Variants in NDST4 observed in about 807,000 individuals in gnomAD.
The protein encoded by NDST4 is N-deacetylase and N-sulfotransferase 4, also known as N-heparan sulfate sulfotransferase 4.
NDST4 carries 63 observed loss-of-function variants against 100.8 expected under a neutral mutation model. The ratio of observed to expected loss-of-function variants is 0.62; its 90% CI spans 0.51 to 0.77. NDST4 has a LOEUF of 0.77. Among genes scored for constraint, NDST4 ranks in the 30% least tolerant of loss-of-function variants. NDST4 has a pLI of 0.00. For missense variants in NDST4, 943 were observed against 1,018.4 expected (o/e 0.93, Z 1.01); for synonymous variants, 377 against 361.8 (o/e 1.04, Z -0.48).
At chr4:114,827,999 C>T in intron 13 of NDST4, 64 bp from the exon 14 acceptor site, 1 of 1,458,572 alleles carries the variant, frequency 6.9e-7, no homozygotes, top group Non-Finnish European at 9.2e-7. Context: ...ATATTGTAAT[C>T]TATATTTCTT....
intron 2 of NDST4, among the ~76,000 whole-genome samples, chr4:115,016,405 TAC>T (rs1296487272): frequency 3.9e-5 from 6 of 152,120 alleles, no homozygotes. Context: ...CACTCAGTAT[TAC>T]TCCTAATGGC....
At chr4:114,852,977 A>G (rs181097642) in intron 7 of NDST4, among the ~76,000 whole-genome samples, 156 bp from the exon 8 acceptor site, 262 of 152,280 alleles carry the variant, frequency 1.7e-3, no homozygotes, top group Non-Finnish European at 3.4e-3. Flanking sequence ...TCTTTTTTAA[A>G]TAAAGTTATT....
intron 6 of NDST4, among the ~76,000 whole-genome samples, chr4:114,923,492 A>G (rs1725328629): frequency 6.6e-6 from 1 of 152,188 alleles, no homozygotes; most frequent in African/African-American, 2.4e-5. Context: ...CAGTAGAGTG[A>G]AACCTCACAA....
At chr4:115,107,573 C>A (rs558075813) in intron 1 of NDST4, among the ~76,000 whole-genome samples, 1 of 152,112 alleles carries the variant, frequency 6.6e-6, no homozygotes, top group East Asian at 1.9e-4. Context: ...AAAGGCATTT[C>A]CTGACCAGTC....
chr4:115,020,946 A>T (rs1053995225), intron 2 of NDST4, among the ~76,000 whole-genome samples: 1 of 152,114 alleles, frequency 6.6e-6, no homozygotes, highest in Non-Finnish European at 1.5e-5. Context: ...AACGGGGAAC[A>T]CTTCTACACT....
At chr4:115,045,227 A>C (rs1192949329) in intron 2 of NDST4, among the ~76,000 whole-genome samples, 1 of 152,110 alleles carries the variant, frequency 6.6e-6, no homozygotes, top group African/African-American at 2.4e-5. Flanking sequence ...CTATGGCATA[A>C]AATGATAGAG....
At chr4:115,087,114 C>A (rs1188291630) in intron 1 of NDST4, among the ~76,000 whole-genome samples, 1 of 151,928 alleles carries the variant, frequency 6.6e-6, no homozygotes, top group Non-Finnish European at 1.5e-5. Context: ...TAGATCTGCC[C>A]CAGGGTTTCT....
chr4:114,894,522 A>G (rs1560799698), intron 6 of NDST4, among the ~76,000 whole-genome samples: 1 of 152,152 alleles, frequency 6.6e-6, no homozygotes, highest in Non-Finnish European at 1.5e-5. Context: ...GAGTTCATTC[A>G]AGATTTTGCT....
intron 8 of NDST4, among the ~76,000 whole-genome samples, chr4:114,849,451 C>T (rs1400986713): frequency 1.3e-5 from 2 of 152,140 alleles, no homozygotes; most frequent in African/African-American, 4.8e-5. Context: ...GTAGACAAGG[C>T]CAGCAGATAA....
chr4:114,970,676 G>T, intron 3 of NDST4, 92 bp from the exon 4 acceptor site: 1 of 1,072,498 alleles, frequency 9.3e-7, no homozygotes, highest in Non-Finnish European at 1.3e-6. Flanking sequence ...TTTTCATGCT[G>T]CTGATACATA....
chr4:115,009,701 A>C (rs1383546025), intron 2 of NDST4, among the ~76,000 whole-genome samples: 1 of 119,280 alleles, frequency 8.4e-6, no homozygotes, highest in African/African-American at 3.3e-5. Context: ...TAATTAAACT[A>C]AAGAGCTTCT....
At chr4:114,915,909 A>C (rs1725158547) in intron 6 of NDST4, among the ~76,000 whole-genome samples, 1 of 152,152 alleles carries the variant, frequency 6.6e-6, no homozygotes. Context: ...GAAAAAATGC[A>C]AACCCCAACC....
At chr4:114,919,251 T>C (rs1362324880) in intron 6 of NDST4, among the ~76,000 whole-genome samples, 1 of 151,888 alleles carries the variant, frequency 6.6e-6, no homozygotes, top group Non-Finnish European at 1.5e-5. Flanking sequence ...TAATGTGGAG[T>C]TGATTGTTGG....
intron 2 of NDST4, among the ~76,000 whole-genome samples, chr4:115,052,273 C>T (rs1728598798): frequency 6.6e-6 from 1 of 152,118 alleles, no homozygotes; most frequent in Non-Finnish European, 1.5e-5. Flanking sequence ...CCAGCAATGT[C>T]AGTAGACAAT....
chr4:114,996,157 G>A (rs1399313441), intron 2 of NDST4, among the ~76,000 whole-genome samples: 7 of 152,024 alleles, frequency 4.6e-5, no homozygotes. Flanking sequence ...GTCAAGGGCA[G>A]GACCAGGTAG....
intron 6 of NDST4, among the ~76,000 whole-genome samples, chr4:114,909,645 G>A (rs1725023768): frequency 7.1e-6 from 1 of 141,362 alleles, no homozygotes; most frequent in Admixed American, 7.0e-5. Flanking sequence ...CCGGCCTGCT[G>A]GGCGACAGAG....
In NDST4 at chr4:114,833,713, C is replaced by T. The variant is rs751552685; in HGVS notation, c.2289G>A (p.Leu763=). 1 of 1,602,764 alleles carries T rather than the reference C, an allele frequency of 6.2e-7. No individual in the cohort carries two copies. Among genetic ancestry groups the T allele is most frequent in the Non-Finnish European group, 8.5e-7 (1 of 1,173,250 alleles). The change falls in exon 12 of 14, where the codon TTG becomes TTA. Residue 763 remains leucine, a splice_region_variant and synonymous_variant. Transcript: ENST00000264363. ...RWLTYFATSQ[L]LIIDGQQLRS... ...TCAGCTGCTGTCCATCAATAATTAG[C>T]AACTGTAAAGTCAGAAATAGTCACT... is the stretch of plus-strand genomic sequence containing the variant.
intron 7 of NDST4, among the ~76,000 whole-genome samples, chr4:114,869,469 C>A (rs1300067076): frequency 1.3e-5 from 2 of 151,998 alleles, no homozygotes; most frequent in Non-Finnish European, 2.9e-5. Context: ...TATGTGAGAT[C>A]TTTTGAATAA....
chr4:114,933,456 T>TTTTTTTTTTA lies in NDST4; in HGVS notation c.1536+1749_1536+1750insTAAAAAAAAA, dbSNP rs1337610741. Among the ~76,000 whole-genome samples the TTTTTTTTTTA allele has an allele frequency of 1.2e-3, 155 of 133,390 alleles. 3 individuals are homozygous for TTTTTTTTTTA. Among genetic ancestry groups the TTTTTTTTTTA allele is most frequent in the Middle Eastern group, 8.0e-3 (2 of 250 alleles). The allele number at this position is 133,390 out of a possible 152,430, so 87.5% of individuals were successfully genotyped here. ...CCTTTTTTTTTTTTTTTTTTTTTTG[T>TTTTTTTTTTA]GTGTAAAAACCCAAAAGCCCAGACA... On this transcript the variant is annotated intron_variant, in intron 6 of 13. Coordinates refer to ENST00000264363, the MANE Select transcript of NDST4 (RefSeq NM_022569.3).
Sources: gnomAD v4.1 joint callset for allele counts (sites outside exome capture counted in the v4.1 genomes callset) on GRCh38, gnomAD v4.1.1 for gene constraint, MANE v1.5 for transcripts, NCBI Gene and HGNC (gene_info 2026-07-23, HGNC 2026-07-21) for gene names.